DNM2: variants seen among roughly 807,000 people sequenced by gnomAD.
The protein encoded by DNM2 is dynamin-2.
DNM2 carries 15 observed loss-of-function variants against 99.0 expected under a neutral mutation model. The ratio of observed to expected loss-of-function variants is 0.15; its 90% CI spans 0.10 to 0.23. The LOEUF is 0.23. Ranked by LOEUF, DNM2 falls within the 10% of genes least tolerant of loss-of-function variation. The pLI is 1.00. For synonymous variants in DNM2, 525 were observed against 481.2 expected (o/e 1.09, Z -1.19); for missense variants, 742 against 1,189.4 (o/e 0.62, Z 5.53).
At chr19:10,728,530 A>ATATG (rs2069186746) in intron 1 of DNM2, among the ~76,000 whole-genome samples, 2 of 152,108 alleles carry the variant, frequency 1.3e-5, no homozygotes, top group Admixed American at 1.3e-4. Context: ...GTGGCTTTGG[A>ATATG]TATGCATCGA....
Position 10,718,213 on chromosome 19 carries a change from A to T in DNM2, c.-30A>T. The T allele has an allele frequency of 6.9e-7, 1 of 1,445,786 alleles. No individual in the cohort carries two copies. The highest frequency in any genetic ancestry group is 9.1e-7 in the Non-Finnish European group (1 of 1,095,882). 89.6% of individuals were successfully genotyped at this position (1,445,786 alleles called of 1,614,324 possible). A position where few individuals can be genotyped will look rare whatever the true frequency, so the allele number is the denominator to read the frequency against. Reference sequence around the variant, plus strand: ...AGGGTCGGCGGCGGGCGAGGAGCGCAGGGCGCTCGGGCCGGGGGCCGCCGG... The same window carrying T: ...AGGGTCGGCGGCGGGCGAGGAGCGCTGGGCGCTCGGGCCGGGGGCCGCCGG... On this transcript the variant is annotated 5_prime_UTR_variant, in exon 1 of 21. Coordinates refer to ENST00000389253, the MANE Select transcript of DNM2 (RefSeq NM_001005361.3).
At chr19:10,784,383 G>A (rs1362690759) in intron 6 of DNM2, among the ~76,000 whole-genome samples, 1 of 152,118 alleles carries the variant, frequency 6.6e-6, no homozygotes, top group African/African-American at 2.4e-5. Context: ...CTAGAGGGAG[G>A]GGCCCTCCAG....
At chr19:10,718,515 G>A in intron 1 of DNM2, 112 bp downstream of exon 1, 1 of 1,248,984 alleles carries the variant, frequency 8.0e-7, no homozygotes, top group Middle Eastern at 3.1e-4. Context: ...GCGTGCCCGC[G>A]GCGGGGAACC....
At chr19:10,813,613 C>G (rs1012126595) in intron 15 of DNM2, among the ~76,000 whole-genome samples, 1 of 151,852 alleles carries the variant, frequency 6.6e-6, no homozygotes, top group African/African-American at 2.4e-5. Flanking sequence ...GGCCTGAGTT[C>G]AGGGGTTCAA....
In DNM2 at chr19:10,823,845, G is replaced by T. The variant is rs200146468; in HGVS notation, c.1839G>T (p.Val613=). Residue 613 remains valine (V), a synonymous_variant, in exon 17 of 21, where the codon GTG becomes GTT. Transcript: ENST00000389253. ...TGGCCTGTGACTCCCAGGAAGACGT[G>T]GACAGCTGGAAGGCCTCGTTCCTCC... ...IELACDSQED[V]DSWKASFLRA... is the part of the protein sequence containing the mutation. The T allele has an allele frequency of 2.4e-5, 38 of 1,613,682 alleles. No individual in the cohort carries two copies. Among genetic ancestry groups the T allele is most frequent in the Non-Finnish European group, 3.0e-5 (35 of 1,180,004 alleles).
At chr19:10,761,972 A>G (rs577877475) in intron 2 of DNM2, among the ~76,000 whole-genome samples, 29 of 152,328 alleles carry the variant, frequency 1.9e-4, no homozygotes, top group African/African-American at 6.7e-4. Context: ...GAGAGTCACT[A>G]TAGAAATCAG....
At chr19:10,815,658 G>T (rs2072711424) in intron 15 of DNM2, among the ~76,000 whole-genome samples, 1 of 152,190 alleles carries the variant, frequency 6.6e-6, no homozygotes, top group African/African-American at 2.4e-5. Flanking sequence ...GGGCCAGCTG[G>T]CCAGTCCCCA....
intron 5 of DNM2, among the ~76,000 whole-genome samples, chr19:10,780,854 C>G (rs1045547041): frequency 1.3e-5 from 2 of 151,826 alleles, no homozygotes; most frequent in African/African-American, 4.8e-5. Context: ...AACCCCAGCT[C>G]TACTAAAAAT....
rs575430136 is a variant in DNM2, at chr19:10,772,191, T to C, written c.236-288T>C. Among the ~76,000 whole-genome samples, 1 of 152,144 alleles carries C rather than the reference T, an allele frequency of 6.6e-6. No homozygotes were observed. The highest frequency in any genetic ancestry group is 2.4e-5 in the African/African-American group (1 of 41,514). ...GCCTCCCGGGTTCAAGCAATTATCCTGCCTCAGCCTCCTGAGTAGCTGAGA... is the reference window on the plus strand; with the variant it reads ...GCCTCCCGGGTTCAAGCAATTATCCCGCCTCAGCCTCCTGAGTAGCTGAGA... On this transcript the variant is annotated intron_variant, in intron 2 of 20. Transcript: ENST00000389253. This position sits in a 1 kb window ranked among gnomAD's most constrained non-coding sequence, Gnocchi z 4.9.
At chr19:10,726,212 C>T (rs1171521289) in intron 1 of DNM2, among the ~76,000 whole-genome samples, 1 of 120,618 alleles carries the variant, frequency 8.3e-6, no homozygotes, top group Admixed American at 8.7e-5. Flanking sequence ...GAGCGAGACT[C>T]TGCCTCAAAA....
chr19:10,820,604 C>T lies in DNM2; in HGVS notation c.1781+515C>T, dbSNP rs952976051. ...CTGAGTACGTGGGCCTGAGCTCCTGCACTGCCCAGCTGCTGCCATTGGCCG... is the reference window on the plus strand; with the variant it reads ...CTGAGTACGTGGGCCTGAGCTCCTGTACTGCCCAGCTGCTGCCATTGGCCG... On this transcript the variant is annotated intron_variant, in intron 16 of 20. Coordinates refer to ENST00000389253, the MANE Select transcript of DNM2 (RefSeq NM_001005361.3). This position sits in a 1 kb window ranked among gnomAD's most constrained non-coding sequence, Gnocchi z 4.3. Among the ~76,000 whole-genome samples the T allele has an allele frequency of 1.3e-5, 2 of 152,194 alleles. No homozygotes were observed. Among genetic ancestry groups the T allele is most frequent in the African/African-American group, 4.8e-5 (2 of 41,440 alleles).
In DNM2 at chr19:10,811,681, G is replaced by A. The variant is rs1402938128; in HGVS notation, c.1558-583G>A. On this transcript the variant is annotated intron_variant, in intron 14 of 20. Coordinates refer to ENST00000389253, the MANE Select transcript of DNM2 (RefSeq NM_001005361.3). This position sits in a 1 kb window ranked among gnomAD's most constrained non-coding sequence, Gnocchi z 5.4. ...CGTTAGTTGTCAGGTGAGTCCCTGC[G>A]CAGGCCTGGGTTCTGACCCCCACGC... 4.9e-5 allele frequency: 25 copies of A among 515,214 alleles called. No homozygotes were observed. The highest frequency in any genetic ancestry group is 8.1e-5 in the Non-Finnish European group (21 of 258,550). The allele number at this position is 515,214 out of a possible 1,614,324, so 31.9% of individuals were successfully genotyped here.
intron 1 of DNM2, among the ~76,000 whole-genome samples, chr19:10,739,535 G>A (rs1215352959): frequency 6.6e-6 from 1 of 152,100 alleles, no homozygotes. Context: ...GTGTGGCTTT[G>A]TTTATTTAGC....
rs753599004 is a variant in DNM2, at chr19:10,718,224, G to C, written c.-19G>C. 189 of 1,462,502 alleles carry C rather than the reference G, an allele frequency of 1.3e-4. No individual in the cohort carries two copies. The highest frequency in any genetic ancestry group is 1.6e-4 in the Non-Finnish European group (180 of 1,104,700). The allele number at this position is 1,462,502 out of a possible 1,614,324, so 90.6% of individuals were successfully genotyped here. ...CGGGCGAGGAGCGCAGGGCGCTCGGGCCGGGGGCCGCCGGCGCCATGGGCA... is the reference window on the plus strand; with the variant it reads ...CGGGCGAGGAGCGCAGGGCGCTCGGCCCGGGGGCCGCCGGCGCCATGGGCA... On this transcript the variant is annotated 5_prime_UTR_variant, in exon 1 of 21. Transcript: ENST00000389253.
At chr19:10,810,131 A>C (rs1226546913) in intron 14 of DNM2, 1 of 152,578 alleles carries the variant, frequency 6.6e-6, no homozygotes, top group East Asian at 1.9e-4. Context: ...ACCCTCACCC[A>C]GGAAAGAGAC....
intron 1 of DNM2, among the ~76,000 whole-genome samples, chr19:10,720,852 C>T (rs1181945075): frequency 1.3e-5 from 2 of 152,130 alleles, no homozygotes; most frequent in Admixed American, 1.3e-4. Flanking sequence ...CAAAAGCTAA[C>T]CAGAATGAAA....
At position 10,825,694 on chromosome 19, in the gene DNM2, A is replaced by AGAGAGAGAGAG. The variant is rs569071526; in HGVS notation, c.2058+473_2058+474insGAGAGAGAGAG. On this transcript the variant is annotated intron_variant, in intron 18 of 20. Coordinates refer to ENST00000389253, the MANE Select transcript of DNM2 (RefSeq NM_001005361.3). ...AAGAAAAGAGAGAGAGAGAGAGAGA[A>AGAGAGAGAGAG]AAATACAAAAAGTAGCCGGGCATGG... is the stretch of plus-strand genomic sequence containing the variant. Among the ~76,000 whole-genome samples, 3 of 143,900 alleles carry AGAGAGAGAGAG rather than the reference A, an allele frequency of 2.1e-5. No individual in the cohort carries two copies. The East Asian group carries it at 6.1e-4, about 29-fold the overall frequency. The allele number at this position is 143,900 out of a possible 152,430, so 94.4% of individuals were successfully genotyped here. A position where few individuals can be genotyped will look rare whatever the true frequency, so the allele number is the denominator to read the frequency against.
At chr19:10,821,116 C>T (rs1295512664) in intron 16 of DNM2, among the ~76,000 whole-genome samples, 4 of 152,114 alleles carry the variant, frequency 2.6e-5, no homozygotes, top group African/African-American at 7.2e-5. Flanking sequence ...TGGCTACACC[C>T]ACCAACTCCA....
Position 10,795,327 on chromosome 19 carries a change from C to T in DNM2, c.1129-45C>T, listed in dbSNP as rs376742125. The T allele has an allele frequency of 2.5e-5, 40 of 1,607,218 alleles. No homozygotes were observed. Among genetic ancestry groups the T allele is most frequent in the African/African-American group, 5.3e-5 (4 of 74,776 alleles). ...CCCAGATGCACGCCTGCCACGGGGG[C>T]GCCCCGGGTGCCTCCATGCATGTGC... On this transcript the variant is annotated intron_variant, in intron 8 of 20. Coordinates refer to ENST00000389253, the MANE Select transcript of DNM2 (RefSeq NM_001005361.3). This position sits in a 1 kb window ranked among gnomAD's most constrained non-coding sequence, Gnocchi z 4.2.
Sources: allele counts gnomAD v4.1 joint callset (sites outside exome capture counted in the v4.1 genomes callset), GRCh38; gene constraint gnomAD v4.1.1; non-coding constraint Gnocchi (gnomAD v3.1); transcripts MANE v1.5; gene names NCBI Gene and HGNC (gene_info 2026-07-23, HGNC 2026-07-21).